Variants in PKP1 observed in about 807,000 individuals in gnomAD.
PKP1 encodes the protein plakophilin 1, also known as plakophilin-1.
In PKP1, 27 loss-of-function variants were observed where a neutral mutation model predicts 76.4. The ratio of observed to expected loss-of-function variants is 0.35; its 90% confidence interval spans 0.26 to 0.49. The LOEUF is 0.49. Ranked by LOEUF, PKP1 falls within the 20% of genes least tolerant of loss-of-function variation. PKP1 has a pLI of 0.99. For synonymous variants in PKP1, 404 were observed against 384.2 expected (o/e 1.05, Z -0.60); for missense variants, 964 against 955.2 (o/e 1.01, Z -0.12).
intron 6 of PKP1, chr1:201,320,027 A>G: frequency 1.2e-6 from 1 of 841,738 alleles, no homozygotes; most frequent in Non-Finnish European, 2.0e-6. Context: ...GAATTGGCTA[A>G]ATGGTTTCTC....
chr1:201,293,411 A>G (rs1655984228), intron 1 of PKP1, among the ~76,000 whole-genome samples: 1 of 152,206 alleles, frequency 6.6e-6, no homozygotes, highest in Non-Finnish European at 1.5e-5. Flanking sequence ...TTCACCAGCC[A>G]GAGCATGTTA....
At position 201,313,315 on chromosome 1, in the gene PKP1, G is replaced by A. The variant is rs759293051; in HGVS notation, c.456G>A (p.Ala152=). The A allele has an allele frequency of 6.2e-5, 99 of 1,594,052 alleles. No homozygotes were observed. Among genetic ancestry groups the A allele is most frequent in the Middle Eastern group, 1.7e-4 (1 of 6,056 alleles). The change falls in exon 3 of 14, where the codon GCG becomes GCA. Residue 152 remains alanine (A), a synonymous_variant. Transcript: ENST00000367324. The part of the protein sequence containing the change: ...SDICFMQKIK[A]SRSEPDLYCD... Reference sequence around the variant, plus strand: ...TCTGCTTCATGCAGAAAATCAAGGCGAGCCGCAGTGAGCCCGACCTCTACT... The same window carrying A: ...TCTGCTTCATGCAGAAAATCAAGGCAAGCCGCAGTGAGCCCGACCTCTACT...
rs375854606 is a variant in PKP1 at position 201,322,996 on chromosome 1, C to T, written c.1504-17C>T. The T allele has an allele frequency of 1.3e-5, 21 of 1,613,206 alleles. No individual in the cohort carries two copies. The highest frequency in any genetic ancestry group is 8.0e-5 in the African/African-American group (6 of 74,890). ...AAGGCTCCCCATTGACCCCCCTGAC[C>T]GGCTCTTTATCCTCAGAACAACAAC... On this transcript the variant is annotated splice_polypyrimidine_tract_variant and intron_variant, in intron 8 of 13. Coordinates refer to ENST00000367324, the MANE Select transcript of PKP1 (RefSeq NM_001005337.3).
intron 2 of PKP1, among the ~76,000 whole-genome samples, chr1:201,294,839 T>A (rs2102155760): frequency 6.6e-6 from 1 of 152,324 alleles, no homozygotes; most frequent in South Asian, 2.1e-4. Flanking sequence ...CCTAATTCTG[T>A]GACAAGCACT....
At chr1:201,322,937 A>G (rs1571562420) in intron 8 of PKP1, 76 bp from the exon 9 acceptor site, 2 of 1,464,102 alleles carry the variant, frequency 1.4e-6, no homozygotes, top group Non-Finnish European at 1.9e-6. Flanking sequence ...GGCTGGGGGG[A>G]TGGGGACAGA....
Position 201,323,033 on chromosome 1 carries a change from C to T in PKP1, c.1524C>T (p.Pro508=), listed in dbSNP as rs577768642. The T allele has an allele frequency of 1.2e-6, 2 of 1,614,160 alleles. 1 individual carries two copies. Among genetic ancestry groups the T allele is most frequent in the South Asian group, 2.2e-5 (2 of 91,084 alleles). The change falls in exon 9 of 14, where the codon CCC becomes CCT. Residue 508 remains proline (P), a synonymous_variant. Transcript: ENST00000367324. ...DKMMNNNYDC[P]LPEEETNPKG... The stretch of plus-strand genomic sequence containing the variant: ...CTCAGAACAACAACTATGACTGCCC[C>T]CTGCCTGAGGAAGAGACCAACCCCA...
At chr1:201,306,250 G>T (rs962294665) in intron 2 of PKP1, among the ~76,000 whole-genome samples, 2 of 152,238 alleles carry the variant, frequency 1.3e-5, no homozygotes, top group Admixed American at 1.3e-4. Context: ...CAAGGAGCAG[G>T]AAGTGGAGAC....
chr1:201,300,045 C>T (rs1656179087), intron 2 of PKP1, among the ~76,000 whole-genome samples: 1 of 152,258 alleles, frequency 6.6e-6, no homozygotes, highest in Admixed American at 6.5e-5. Flanking sequence ...AGTGTCCCCG[C>T]TGCCAACTCA....
chr1:201,331,657 A>C lies in PKP1; in HGVS notation c.*1616A>C, dbSNP rs756694170. On this transcript the variant is annotated 3_prime_UTR_variant, in exon 14 of 14. Coordinates refer to ENST00000367324, the MANE Select transcript of PKP1 (RefSeq NM_001005337.3). ...CTCTTCTGCACCACCCCCGAGTCCAAACCCACCTCTTGCCCCAGCATTCAG... is the reference window on the plus strand; with the variant it reads ...CTCTTCTGCACCACCCCCGAGTCCACACCCACCTCTTGCCCCAGCATTCAG... 30 of 152,232 alleles carry C rather than the reference A, an allele frequency of 2.0e-4. 1 individual carries two copies. The highest frequency in any genetic ancestry group is 1.8e-3 in the Admixed American group (28 of 15,274). The allele number at this position is 152,232 out of a possible 1,614,324, so 9.4% of individuals were successfully genotyped here.
chr1:201,327,106 G>C (rs1657148578), intron 12 of PKP1, among the ~76,000 whole-genome samples: 1 of 152,332 alleles, frequency 6.6e-6, no homozygotes, highest in Admixed American at 6.5e-5. Context: ...GCAGTGGATG[G>C]GGATGGATGG....
Position 201,313,508 on chromosome 1 carries a change from C to T in PKP1, c.649C>T (p.Pro217Ser). ...CAAGCAGGACCCTGTGTATATCCCG[C>T]CCATCTCCTGCAACAAGGACCTGTC... The part of the protein sequence containing the change: ...ASKQDPVYIP[P>S]ISCNKDLSFG... Residue 217 changes from proline to serine, a missense_variant, in exon 3 of 14, where the codon CCC (proline) becomes TCC (serine). Pro to Ser is a moderately conservative substitution (Grantham distance 74). Transcript: ENST00000367324. 6.2e-7 allele frequency: 1 copy of T among 1,614,042 alleles called. No individual in the cohort carries two copies. The highest frequency in any genetic ancestry group is 8.5e-7 in the Non-Finnish European group (1 of 1,180,002).
intron 1 of PKP1, among the ~76,000 whole-genome samples, 165 bp downstream of exon 1, chr1:201,284,069 G>A (rs1655654715): frequency 6.6e-6 from 1 of 152,208 alleles, no homozygotes; most frequent in African/African-American, 2.4e-5. Flanking sequence ...GCTCCCAGCC[G>A]GTTCTGAGCT....
At chr1:201,300,287 T>C (rs1656189939) in intron 2 of PKP1, among the ~76,000 whole-genome samples, 1 of 152,260 alleles carries the variant, frequency 6.6e-6, no homozygotes, top group Non-Finnish European at 1.5e-5. Flanking sequence ...GGACACTCCC[T>C]GTATTAAACT....
At chr1:201,318,185 A>G (rs1353902427) in intron 5 of PKP1, among the ~76,000 whole-genome samples, 1 of 152,204 alleles carries the variant, frequency 6.6e-6, no homozygotes, top group Non-Finnish European at 1.5e-5. Flanking sequence ...GGGGGGCACA[A>G]GAGGAAGAGG....
At chr1:201,328,899 C>G in intron 13 of PKP1, 31 bp downstream of exon 13, 4 of 1,295,188 alleles carry the variant, frequency 3.1e-6, no homozygotes, top group Non-Finnish European at 4.5e-6. Context: ...AGGGATGCCT[C>G]TGGGACCACT....
intron 1 of PKP1, among the ~76,000 whole-genome samples, chr1:201,285,366 C>T (rs1655700011): frequency 6.6e-6 from 1 of 151,988 alleles, no homozygotes; most frequent in Non-Finnish European, 1.5e-5. Context: ...AAATGGCCGG[C>T]AGAGGACTTC....
At chr1:201,308,933 G>T (rs900451408) in intron 2 of PKP1, among the ~76,000 whole-genome samples, 2 of 152,128 alleles carry the variant, frequency 1.3e-5, no homozygotes, top group Non-Finnish European at 2.9e-5. Flanking sequence ...CGGAGTCAGA[G>T]CCTGGGCAGT....
At position 201,283,689 on chromosome 1, in the gene PKP1, C is replaced by A; in HGVS notation, c.-14C>A. On this transcript the variant is annotated 5_prime_UTR_variant, in exon 1 of 14. Coordinates refer to ENST00000367324, the MANE Select transcript of PKP1 (RefSeq NM_001005337.3). The stretch of plus-strand genomic sequence containing the variant: ...TCCTAGGCCCCGGCCGCGCGCCACC[C>A]GCCTCCCGCCACCATGAACCACTCG... 1 of 1,611,318 alleles carries A rather than the reference C, an allele frequency of 6.2e-7. No individual in the cohort carries two copies. Among genetic ancestry groups the A allele is most frequent in the Non-Finnish European group, 8.5e-7 (1 of 1,178,622 alleles).
chr1:201,293,453 T>C (rs1362221656), intron 1 of PKP1, among the ~76,000 whole-genome samples: 3 of 152,182 alleles, frequency 2.0e-5, no homozygotes, highest in Non-Finnish European at 4.4e-5. Flanking sequence ...GTTTGGTCAC[T>C]GGTAGGGGCT....
Sources: gnomAD v4.1 joint callset for allele counts (sites outside exome capture counted in the v4.1 genomes callset) on GRCh38, gnomAD v4.1.1 for gene constraint, MANE v1.5 for transcripts, NCBI Gene and HGNC (gene_info 2026-07-23, HGNC 2026-07-21) for gene names.